The following TRAP1 variants were observed in gnomAD, a reference collection of about 807,000 sequenced individuals.
TRAP1 encodes the protein TNF receptor associated protein 1.
A neutral mutation model predicts 89.1 loss-of-function variants in TRAP1; 102 were observed. That is an observed-to-expected ratio of 1.15 (90% CI 0.98 to 1.35). TRAP1 has a LOEUF of 1.35. Ranked by LOEUF, TRAP1 falls within the 40% of genes most tolerant of loss-of-function variation. TRAP1 has a pLI of 0.00. For missense variants in TRAP1, 1,256 were observed against 945.3 expected (o/e 1.33, Z -4.31); for synonymous variants, 508 against 388.0 (o/e 1.31, Z -3.64).
At chr16:3,696,874 A>C (rs1328174123) in intron 1 of TRAP1, among the ~76,000 whole-genome samples, 2 of 152,036 alleles carry the variant, frequency 1.3e-5, no homozygotes, top group Non-Finnish European at 2.9e-5. Context: ...CTACAGGCTC[A>C]TGCCACCATA....
At chr16:3,693,574 C>G (rs1356231329) in intron 1 of TRAP1, among the ~76,000 whole-genome samples, 2 of 152,274 alleles carry the variant, frequency 1.3e-5, no homozygotes, top group East Asian at 3.9e-4. Flanking sequence ...CAGAGCATAT[C>G]AGTGTTTCTC....
chr16:3,712,686 C>A (rs922965282), intron 1 of TRAP1, among the ~76,000 whole-genome samples: 2 of 152,210 alleles, frequency 1.3e-5, no homozygotes, highest in Non-Finnish European at 2.9e-5. Flanking sequence ...TGGCTCACTG[C>A]AACCTCCAAC....
Position 3,703,830 on chromosome 16 carries a change from A to G in TRAP1, c.89-12845T>C, listed in dbSNP as rs950948652. Among the ~76,000 whole-genome samples, 5 of 151,836 alleles carry G rather than the reference A, an allele frequency of 3.3e-5. No individual in the cohort carries two copies. In the South Asian group the frequency reaches 1.0e-3, roughly 31 times the overall value. On this transcript the variant is annotated intron_variant, in intron 1 of 17. Transcript: ENST00000246957. ...GGAGATCAAGATCATCCTGGCTAAC[A>G]CGGTGAAAGCCAGTCTCTATTGAAA...
At chr16:3,700,741 C>T (rs1436227143) in intron 1 of TRAP1, among the ~76,000 whole-genome samples, 2 of 152,172 alleles carry the variant, frequency 1.3e-5, no homozygotes, top group Non-Finnish European at 2.9e-5. Flanking sequence ...GGTGGGATTA[C>T]AGAAGTGAGC....
chr16:3,708,302 A>G (rs2151283419), intron 1 of TRAP1, among the ~76,000 whole-genome samples: 1 of 152,224 alleles, frequency 6.6e-6, no homozygotes, highest in South Asian at 2.1e-4. Context: ...CCTGGCCAAC[A>G]TGGCAAAACC....
intron 1 of TRAP1, among the ~76,000 whole-genome samples, chr16:3,706,021 G>A (rs1015357234): frequency 1.3e-5 from 2 of 149,716 alleles, no homozygotes; most frequent in African/African-American, 2.5e-5. Context: ...TTTTGAGACG[G>A]AGTCTCACTC....
At position 3,706,960 on chromosome 16, in the gene TRAP1, G is replaced by A. The variant is rs1177803720; in HGVS notation, c.88+10461C>T. ...GGAGCTGCAAGAATGTTTTCCTGCA[G>A]AGGTCGCACCGTTTTACATTCTCAC... is the stretch of plus-strand genomic sequence containing the variant. On this transcript the variant is annotated intron_variant, in intron 1 of 17. Coordinates refer to ENST00000246957, the MANE Select transcript of TRAP1 (RefSeq NM_016292.3). 2.6e-5 allele frequency among the ~76,000 whole-genome samples: 4 copies of A among 152,096 alleles called. No homozygotes were observed. The East Asian group carries it at 7.7e-4, about 29-fold the overall frequency.
At chr16:3,669,614 C>G (rs1169868594) in intron 11 of TRAP1, among the ~76,000 whole-genome samples, 2 of 151,906 alleles carry the variant, frequency 1.3e-5, no homozygotes, top group Non-Finnish European at 2.9e-5. Flanking sequence ...GCAGGCAGAT[C>G]ACAAGGTCAG....
At chr16:3,704,069 G>T (rs1371173136) in intron 1 of TRAP1, among the ~76,000 whole-genome samples, 1 of 151,986 alleles carries the variant, frequency 6.6e-6, no homozygotes, top group Non-Finnish European at 1.5e-5. Flanking sequence ...TACAGGCCAG[G>T]TGAGGTGCCT....
chr16:3,704,620 CAGG>C (rs1165634843), intron 1 of TRAP1, among the ~76,000 whole-genome samples: 2 of 152,270 alleles, frequency 1.3e-5, no homozygotes, highest in East Asian at 3.9e-4. Context: ...GAGATCCAGG[CAGG>C]AGGAGGCTCC....
chr16:3,693,241 G>T (rs1003617005), intron 1 of TRAP1, among the ~76,000 whole-genome samples: 1 of 152,124 alleles, frequency 6.6e-6, no homozygotes, highest in Admixed American at 6.6e-5. Flanking sequence ...GAGCCACCAT[G>T]CCCGGCCAAC....
In TRAP1 at chr16:3,683,427, C is replaced by T. The variant is rs1343620257; in HGVS notation, c.471+2569G>A. Among the ~76,000 whole-genome samples, 16 of 150,690 alleles carry T rather than the reference C, an allele frequency of 1.1e-4. 1 individual carries two copies. The highest frequency in any genetic ancestry group is 9.3e-4 in the Admixed American group (14 of 15,122). On this transcript the variant is annotated intron_variant, in intron 4 of 17. Transcript: ENST00000246957. ...TTGAGACGAGTTTCACTCTTGTTGC[C>T]CAAGCTAGAGTGCAATGGCGCGATC...
intron 1 of TRAP1, among the ~76,000 whole-genome samples, chr16:3,712,623 T>C (rs1361685210): frequency 1.3e-5 from 2 of 152,180 alleles, no homozygotes; most frequent in Admixed American, 6.5e-5. Flanking sequence ...TGTGTTTGTT[T>C]CCAAGACAGA....
chr16:3,663,342 A>G, intron 14 of TRAP1, 82 bp downstream of exon 14: 1 of 1,570,208 alleles, frequency 6.4e-7, no homozygotes, highest in Non-Finnish European at 8.7e-7. Flanking sequence ...ACGAAAACCC[A>G]AAGGAAGCCC....
At chr16:3,707,690 C>G (rs1485409538) in intron 1 of TRAP1, among the ~76,000 whole-genome samples, 2 of 150,512 alleles carry the variant, frequency 1.3e-5, no homozygotes, top group South Asian at 4.2e-4. Flanking sequence ...CCCGTCTCTA[C>G]CAAAAATACA....
intron 4 of TRAP1, among the ~76,000 whole-genome samples, chr16:3,684,753 G>A (rs2051116389): frequency 1.3e-5 from 2 of 152,208 alleles, no homozygotes; most frequent in Admixed American, 6.5e-5. Flanking sequence ...TCACACTACT[G>A]CACTCCAGCC....
intron 16 of TRAP1, chr16:3,660,213 C>T (rs904588630): frequency 5.9e-5 from 9 of 152,360 alleles, no homozygotes; most frequent in East Asian, 3.9e-4. Flanking sequence ...CACAAATGCA[C>T]ATAATCTCTG....
intron 16 of TRAP1, 27 bp downstream of exon 16, chr16:3,661,960 C>T (rs762549269): frequency 6.4e-7 from 1 of 1,572,304 alleles, no homozygotes; most frequent in Non-Finnish European, 8.6e-7. Flanking sequence ...ATCCCACAGG[C>T]TGGAAGAGCC....
Position 3,687,775 on chromosome 16 carries a change from G to T in TRAP1, c.330+1280C>A, listed in dbSNP as rs189984831. On this transcript the variant is annotated intron_variant, in intron 3 of 17. Transcript: ENST00000246957. ...AGGAGGAAGGATGGCTTGAGCTCAG[G>T]AGGCGGAGGTTGCAGCGAGCCGAGA... is the stretch of plus-strand genomic sequence containing the variant. Among the ~76,000 whole-genome samples the T allele has an allele frequency of 1.1e-4, 17 of 150,768 alleles. No individual in the cohort carries two copies. In the East Asian group the frequency reaches 3.3e-3, roughly 30 times the overall value.
Sources: gnomAD v4.1 joint callset for allele counts (sites outside exome capture counted in the v4.1 genomes callset) on GRCh38, gnomAD v4.1.1 for gene constraint, MANE v1.5 for transcripts, NCBI Gene and HGNC (gene_info 2026-07-23, HGNC 2026-07-21) for gene names.